UBE2C: variants seen among roughly 807,000 people sequenced by gnomAD.
The protein encoded by UBE2C is ubiquitin conjugating enzyme E2 C.
A neutral mutation model predicts 23.5 loss-of-function variants in UBE2C; 16 were observed. The observed-to-expected ratio is 0.68, with a 90% CI of 0.46 to 1.03. The LOEUF is 1.03. Among genes scored for constraint, UBE2C ranks in the 50% least tolerant of loss-of-function variants. The pLI is 0.00. For missense variants in UBE2C, 192 were observed against 227.6 expected, an observed-to-expected ratio of 0.84 and a Z score of 1.01; for synonymous variants, 76 against 91.6, an observed-to-expected ratio of 0.83 and a Z score of 0.97.
chr20:45,815,159 C>T (rs1224326516), intron 3 of UBE2C, among the ~76,000 whole-genome samples: 1 of 151,842 alleles, frequency 6.6e-6, no homozygotes, highest in African/African-American at 2.4e-5. Context: ...TCTAATTGAA[C>T]TAAAGCACAG....
intron 2 of UBE2C, 68 bp from the exon 3 acceptor site, chr20:45,814,316 C>A: frequency 1.1e-6 from 1 of 901,906 alleles, no homozygotes. Context: ...AAGGGGAAAG[C>A]TCACCCACTG....
At position 45,815,721 on chromosome 20, in the gene UBE2C, C is replaced by T. The variant is rs767584548; in HGVS notation, c.397C>T (p.Leu133Phe). 18 of 1,614,006 alleles carry T rather than the reference C, an allele frequency of 1.1e-5. No individual in the cohort carries two copies. Among genetic ancestry groups the T allele is most frequent in the Non-Finnish European group, 1.5e-5 (18 of 1,179,930 alleles). The change falls in exon 4 of 6, where the codon CTC (leucine) becomes TTC (phenylalanine). Residue 133 changes from leucine to phenylalanine, a missense_variant. Transcript: ENST00000356455. ...SALYDVRTILLSIQSLLGEPN... is the reference protein window; with the variant it reads ...SALYDVRTILFSIQSLLGEPN... The stretch of plus-strand genomic sequence containing the variant: ...CCTGTATGATGTCAGGACCATTCTG[C>T]TCTCCATCCAGAGCCTTCTAGGAGG...
chr20:45,814,114 A>C (rs991867353), intron 2 of UBE2C, among the ~76,000 whole-genome samples: 7 of 134,498 alleles, frequency 5.2e-5, no homozygotes, highest in Admixed American at 4.0e-4. Flanking sequence ...GTCTCTGTCT[A>C]TCTCTCTCTC....
chr20:45,814,142 C>A (rs1328799065), intron 2 of UBE2C, among the ~76,000 whole-genome samples: 11 of 146,508 alleles, frequency 7.5e-5, no homozygotes, highest in African/African-American at 2.7e-4. Flanking sequence ...CTCTCTCTCT[C>A]TCTCTATATA....
rs2145711604 is a variant in UBE2C at position 45,812,646 on chromosome 20, A to G, written c.-50A>G. 2 of 1,544,134 alleles carry G rather than the reference A, an allele frequency of 1.3e-6. No individual in the cohort carries two copies. The highest frequency in any genetic ancestry group is 1.8e-6 in the Non-Finnish European group (2 of 1,141,126). On this transcript the variant is annotated 5_prime_UTR_variant, in exon 1 of 6. Coordinates refer to ENST00000356455, the MANE Select transcript of UBE2C (RefSeq NM_007019.4). ...CGGGCGGGCGGGCCCGCAGTCCTGC[A>G]GTTGCAGTCGTGTTCTCCGAGTTCC... is the stretch of plus-strand genomic sequence containing the variant.
intron 2 of UBE2C, among the ~76,000 whole-genome samples, chr20:45,814,127 AAT>A (rs1982212983): frequency 1.3e-5 from 1 of 76,074 alleles, no homozygotes; most frequent in African/African-American, 4.6e-5. Flanking sequence ...TCTCTCTCTC[AAT>A]CTCTCTCTCT....
At position 45,814,373 on chromosome 20, in the gene UBE2C, T is replaced by C. The variant is rs772928237; in HGVS notation, c.130-11T>C. The C allele has an allele frequency of 6.3e-7, 1 of 1,598,226 alleles. No homozygotes were observed. Among genetic ancestry groups the C allele is most frequent in the Non-Finnish European group, 8.5e-7 (1 of 1,172,294 alleles). ...GTACTCCACATTCCAACAAATGTGTTTTCTCCCCAGATGTCTGGCGATAAA... is the reference window on the plus strand; with the variant it reads ...GTACTCCACATTCCAACAAATGTGTCTTCTCCCCAGATGTCTGGCGATAAA... On this transcript the variant is annotated splice_polypyrimidine_tract_variant and intron_variant, in intron 2 of 5. Coordinates refer to ENST00000356455, the MANE Select transcript of UBE2C (RefSeq NM_007019.4).
intron 4 of UBE2C, 39 bp downstream of exon 4, chr20:45,815,784 G>A (rs750776693): frequency 1.9e-6 from 3 of 1,612,374 alleles, no homozygotes; most frequent in South Asian, 2.2e-5. Context: ...ATGCAACTTG[G>A]GAACCTGTCA....
In UBE2C at chr20:45,813,427, CTT is replaced by C. The variant is rs751180069; in HGVS notation, c.102-5_102-4del. ...AGACTCCCAGGTAACCCCGAATACT[CTT>C]TTTTCAGGCTACAGCAGGAGCTGAT... is the stretch of plus-strand genomic sequence containing the variant. On this transcript the variant is annotated splice_polypyrimidine_tract_variant and splice_region_variant and intron_variant, in intron 1 of 5. Coordinates refer to ENST00000356455, the MANE Select transcript of UBE2C (RefSeq NM_007019.4). 6.2e-7 allele frequency: 1 copy of C among 1,614,106 alleles called. No individual in the cohort carries two copies. The highest frequency in any genetic ancestry group is 1.3e-5 in the African/African-American group (1 of 75,014).
chr20:45,813,009 GA>G, intron 1 of UBE2C: 1 of 1,428,550 alleles, frequency 7.0e-7, no homozygotes, highest in Non-Finnish European at 9.1e-7. Flanking sequence ...TTGCGCGGGT[GA>G]GATTCGAGAG....
In UBE2C at chr20:45,813,420, G is replaced by A. The variant is rs759971160; in HGVS notation, c.102-17G>A. 3.7e-6 allele frequency: 6 copies of A among 1,614,070 alleles called. No homozygotes were observed. The highest frequency in any genetic ancestry group is 1.1e-5 in the South Asian group (1 of 91,066). ...CCCATCCAGACTCCCAGGTAACCCC[G>A]AATACTCTTTTTTCAGGCTACAGCA... On this transcript the variant is annotated splice_polypyrimidine_tract_variant and intron_variant, in intron 1 of 5. Coordinates refer to ENST00000356455, the MANE Select transcript of UBE2C (RefSeq NM_007019.4).
intron 2 of UBE2C, 114 bp from the exon 3 acceptor site, chr20:45,814,270 G>GTATATATATATATA (rs1568714711): frequency 5.4e-6 from 2 of 368,798 alleles, no homozygotes; most frequent in African/African-American, 1.0e-4. Context: ...GTGTATGTGA[G>GTATATATATATATA]CATATATATA....
At chr20:45,815,358 T>G (rs1568715699) in intron 3 of UBE2C, 183 bp from the exon 4 acceptor site, 1 of 1,566,042 alleles carries the variant, frequency 6.4e-7, no homozygotes, top group South Asian at 1.2e-5. Context: ...GTCTCTAAAA[T>G]AAAAACTAAA....
intron 3 of UBE2C, 163 bp from the exon 4 acceptor site, chr20:45,815,378 C>T (rs767082146): frequency 6.3e-7 from 1 of 1,577,762 alleles, no homozygotes; most frequent in Admixed American, 2.0e-5. Context: ...ACTAAAAAAA[C>T]TTTTTAAAAA....
chr20:45,816,034 C>A, intron 5 of UBE2C, 121 bp downstream of exon 5: 1 of 961,994 alleles, frequency 1.0e-6, no homozygotes. Context: ...GTGTCGGCAG[C>A]AACCCACTTC....
At chr20:45,813,581 G>C in intron 2 of UBE2C, 117 bp downstream of exon 2, 1 of 1,358,824 alleles carries the variant, frequency 7.4e-7, no homozygotes. Flanking sequence ...TCCTGGGAAA[G>C]AAGTTCATAC....
rs10644383 is a variant in UBE2C at position 45,814,128 on chromosome 20, A to ATCTCTCTCTCTC, written c.130-248_130-237dup. On this transcript the variant is annotated intron_variant, in intron 2 of 5. Transcript: ENST00000356455. ...TGTCTCTGTCTATCTCTCTCTCTCA[A>ATCTCTCTCTCTC]TCTCTCTCTCTCTCTCTCTATATAT... Among the ~76,000 whole-genome samples, 345 of 141,014 alleles carry ATCTCTCTCTCTC rather than the reference A, an allele frequency of 2.4e-3. 3 individuals are homozygous for ATCTCTCTCTCTC. The highest frequency in any genetic ancestry group is 8.9e-3 in the African/African-American group (317 of 35,546). 92.5% of individuals were successfully genotyped at this position (141,014 alleles called of 152,430 possible). A position where few individuals can be genotyped will look rare whatever the true frequency, so the allele number is the denominator to read the frequency against.
chr20:45,814,128 A>ATCTC (rs10644383), intron 2 of UBE2C, among the ~76,000 whole-genome samples: 1,947 of 140,978 alleles, frequency 0.014, 18 homozygotes, highest in Middle Eastern at 0.014. Flanking sequence ...CTCTCTCTCA[A>ATCTC]TCTCTCTCTC....
At chr20:45,812,844 T>C in intron 1 of UBE2C, 48 bp downstream of exon 1, 1 of 1,520,060 alleles carries the variant, frequency 6.6e-7, no homozygotes, top group Non-Finnish European at 8.8e-7. Flanking sequence ...GCCCTAGGCA[T>C]TGGTACCCAG....
Sources: gnomAD v4.1 joint callset for allele counts (sites outside exome capture counted in the v4.1 genomes callset) on GRCh38, gnomAD v4.1.1 for gene constraint, MANE v1.5 for transcripts, NCBI Gene and HGNC (gene_info 2026-07-23, HGNC 2026-07-21) for gene names.